The following WWOX variants were observed in gnomAD, a reference collection of about 807,000 sequenced individuals.
WWOX encodes the protein WW domain containing oxidoreductase.
In WWOX, 69 loss-of-function variants were observed where a neutral mutation model predicts 46.2. The ratio of observed to expected loss-of-function variants is 1.49; its 90% CI spans 1.23 to 1.82. The LOEUF (loss-of-function observed/expected upper bound fraction) is 1.82, where lower values mean the gene tolerates loss of function less well. Among genes scored for constraint, WWOX ranks in the 40% most tolerant of loss-of-function variants. WWOX has a pLI of 0.00. For synonymous variants in WWOX, 359 were observed against 202.6 expected (o/e 1.77, Z -6.56); for missense variants, 919 against 542.6 (o/e 1.69, Z -6.89).
chr16:78,140,567 T>G (rs901529072), intron 4 of WWOX, among the ~76,000 whole-genome samples: 7 of 152,180 alleles, frequency 4.6e-5, no homozygotes, highest in African/African-American at 1.7e-4. Context: ...TTCATTGGCC[T>G]GTGGCAGGGT....
rs73570887 is a variant in WWOX, at chr16:79,064,492, A to G, written c.1057-147116A>G. 1.4e-3 allele frequency among the ~76,000 whole-genome samples: 214 copies of G among 152,288 alleles called. 1 individual carries two copies. The highest frequency in any genetic ancestry group is 4.4e-3 in the African/African-American group (181 of 41,574). On this transcript the variant is annotated intron_variant, in intron 8 of 8. Transcript: ENST00000566780. ...TCGTCATCATCACGTTTGTTGAGGGATTTGAGGCGTGTCTAGGAACGCAGA... is the reference window on the plus strand; with the variant it reads ...TCGTCATCATCACGTTTGTTGAGGGGTTTGAGGCGTGTCTAGGAACGCAGA...
intron 8 of WWOX, among the ~76,000 whole-genome samples, chr16:78,829,077 C>A (rs999709597): frequency 2.0e-5 from 3 of 148,212 alleles, no homozygotes; most frequent in African/African-American, 7.6e-5. Flanking sequence ...AAGTCAGGGT[C>A]CATCTGGAAG....
At chr16:78,659,526 C>A (rs2047163976) in intron 8 of WWOX, among the ~76,000 whole-genome samples, 1 of 151,852 alleles carries the variant, frequency 6.6e-6, no homozygotes, top group African/African-American at 2.4e-5. Context: ...AACTTCTGAT[C>A]AAAAATGCCA....
At chr16:79,196,004 C>G (rs1567610622) in intron 8 of WWOX, among the ~76,000 whole-genome samples, 2 of 152,166 alleles carry the variant, frequency 1.3e-5, no homozygotes, top group Non-Finnish European at 2.9e-5. Flanking sequence ...GACAATAATA[C>G]TACTAATTTC....
At chr16:79,210,690 C>G (rs2051701828) in intron 8 of WWOX, among the ~76,000 whole-genome samples, 1 of 152,096 alleles carries the variant, frequency 6.6e-6, no homozygotes, top group Non-Finnish European at 1.5e-5. Flanking sequence ...ATGTCTCCCT[C>G]TGAACAGCAG....
chr16:78,455,145 G>C (rs1279846252), intron 8 of WWOX, among the ~76,000 whole-genome samples: 1 of 152,126 alleles, frequency 6.6e-6, no homozygotes, highest in East Asian at 1.9e-4. Flanking sequence ...AGATAGAAGA[G>C]GAGTCAGATA....
chr16:78,734,434 A>G (rs1234226564), intron 8 of WWOX, among the ~76,000 whole-genome samples: 1 of 152,198 alleles, frequency 6.6e-6, no homozygotes, highest in South Asian at 2.1e-4. Flanking sequence ...TGTTGCATGA[A>G]TCAACCTATT....
At chr16:78,775,079 A>G (rs2050156337) in intron 8 of WWOX, among the ~76,000 whole-genome samples, 1 of 152,172 alleles carries the variant, frequency 6.6e-6, no homozygotes, top group South Asian at 2.1e-4. Context: ...GCTCAGGAGA[A>G]GAAGAGTGAC....
chr16:78,768,600 A>G (rs1186502867), intron 8 of WWOX, among the ~76,000 whole-genome samples: 1 of 152,092 alleles, frequency 6.6e-6, no homozygotes, highest in Non-Finnish European at 1.5e-5. Context: ...GAGGAAAAAA[A>G]AAAAAAAAGG....
At chr16:78,890,436 C>T (rs559506084) in intron 8 of WWOX, 14 of 151,874 alleles carry the variant, frequency 9.2e-5, no homozygotes, top group Non-Finnish European at 1.6e-4. Flanking sequence ...CCTATCTGGG[C>T]CTTCTGAGAC....
At chr16:78,412,235 G>A (rs2082698261) in intron 6 of WWOX, among the ~76,000 whole-genome samples, 1 of 152,176 alleles carries the variant, frequency 6.6e-6, no homozygotes, top group Non-Finnish European at 1.5e-5. Flanking sequence ...GTAATCAGGT[G>A]ACTGGTTTGC....
At chr16:78,729,459 C>T (rs2048914299) in intron 8 of WWOX, among the ~76,000 whole-genome samples, 2 of 152,046 alleles carry the variant, frequency 1.3e-5, no homozygotes, top group African/African-American at 2.4e-5. Flanking sequence ...ATGCAAGCAT[C>T]CTTATGGAAG....
intron 8 of WWOX, among the ~76,000 whole-genome samples, chr16:78,627,166 C>T (rs562003901): frequency 6.6e-6 from 1 of 152,022 alleles, no homozygotes; most frequent in East Asian, 1.9e-4. Flanking sequence ...GGTGAGTTCT[C>T]CCACTTTACA....
intron 1 of WWOX, among the ~76,000 whole-genome samples, chr16:78,102,810 A>G (rs866938649): frequency 6.6e-6 from 1 of 152,174 alleles, no homozygotes; most frequent in Non-Finnish European, 1.5e-5. Context: ...CTTGGCACCC[A>G]GAAGCCATAA....
chr16:78,528,167 T>A, intron 8 of WWOX, among the ~76,000 whole-genome samples: 1 of 103,352 alleles, frequency 9.7e-6, no homozygotes, highest in African/African-American at 3.6e-5. Flanking sequence ...CCTGGCTAAT[T>A]TTTTTTTTTT....
chr16:78,799,032 C>T (rs918116692), intron 8 of WWOX, among the ~76,000 whole-genome samples: 1 of 152,142 alleles, frequency 6.6e-6, no homozygotes, highest in Non-Finnish European at 1.5e-5. Context: ...GGATGCATTT[C>T]ATTTATATGT....
intron 8 of WWOX, among the ~76,000 whole-genome samples, chr16:78,960,161 T>C (rs369842515): frequency 1.3e-5 from 2 of 152,112 alleles, no homozygotes; most frequent in Non-Finnish European, 2.9e-5. Context: ...AACAGCTAAT[T>C]CCAGAAAGCC....
At chr16:78,894,958 C>G (rs73581210) in intron 8 of WWOX, among the ~76,000 whole-genome samples, 7,342 of 152,186 alleles carry the variant, frequency 0.048, 625 homozygotes, top group African/African-American at 0.17. Flanking sequence ...TGGATCCACC[C>G]AGGATCCACC....
At chr16:78,831,809 C>T (rs367623784) in intron 8 of WWOX, among the ~76,000 whole-genome samples, 4 of 152,208 alleles carry the variant, frequency 2.6e-5, no homozygotes, top group Non-Finnish European at 5.9e-5. Flanking sequence ...CTATCTGTAG[C>T]ACTGCATGTC....
Sources: allele counts gnomAD v4.1 joint callset (sites outside exome capture counted in the v4.1 genomes callset), GRCh38; gene constraint gnomAD v4.1.1; transcripts MANE v1.5; gene names NCBI Gene and HGNC (gene_info 2026-07-23, HGNC 2026-07-21).